The following EIPR1 variants were observed in gnomAD, a reference collection of about 807,000 sequenced individuals.
The protein encoded by EIPR1 is EARP and GARP complex-interacting protein 1.
Under a neutral mutation model 48.1 loss-of-function variants are expected in EIPR1, and 25 were observed. The observed-to-expected ratio is 0.52, with a 90% confidence interval of 0.38 to 0.73. The LOEUF is 0.73. EIPR1 is among the 30% of genes least tolerant of loss of function. The pLI is 0.00. For missense variants in EIPR1, 415 were observed against 506.2 expected (o/e 0.82, Z 1.73); for synonymous variants, 204 against 201.9 (o/e 1.01, Z -0.09).
At chr2:3,208,717 C>T in intron 5 of EIPR1, 1 of 1,550,190 alleles carries the variant, frequency 6.5e-7, no homozygotes, top group African/African-American at 1.4e-5. Flanking sequence ...GGTCCTTCTT[C>T]CATGCGTGAG....
At chr2:3,320,697 CCT>C (rs1287321178) in intron 3 of EIPR1, among the ~76,000 whole-genome samples, 2 of 152,174 alleles carry the variant, frequency 1.3e-5, no homozygotes, top group Non-Finnish European at 2.9e-5. Flanking sequence ...ATGCTGTTTT[CCT>C]CTCTCTCACC....
In EIPR1 at chr2:3,194,270, C is replaced by T. The variant is rs114388497; in HGVS notation, c.654-104G>A. Reference sequence around the variant, plus strand: ...GTTTCCCGGGACCCTGTCTAATCCCCCGGCCCAGGGTGCTCTCATCCCCTC... The same window carrying T: ...GTTTCCCGGGACCCTGTCTAATCCCTCGGCCCAGGGTGCTCTCATCCCCTC... On this transcript the variant is annotated intron_variant, in intron 6 of 8. Transcript: ENST00000382125. 2,851 of 1,449,284 alleles carry T rather than the reference C, an allele frequency of 2.0e-3. 42 individuals are homozygous for T. In the African/African-American group the frequency reaches 0.033, roughly 17 times the overall value. The allele number at this position is 1,449,284 out of a possible 1,614,324, so 89.8% of individuals were successfully genotyped here. A position where few individuals can be genotyped will look rare whatever the true frequency, so the allele number is the denominator to read the frequency against.
At chr2:3,214,117 G>A in intron 5 of EIPR1, 32 bp downstream of exon 5, 3 of 1,595,306 alleles carry the variant, frequency 1.9e-6, no homozygotes, top group Non-Finnish European at 2.6e-6. Flanking sequence ...TAAAAATACA[G>A]AAACAAACGC....
intron 1 of EIPR1, among the ~76,000 whole-genome samples, chr2:3,365,141 TA>T (rs58972888): frequency 0.23 from 33,421 of 145,150 alleles, 4,579 homozygotes; most frequent in East Asian, 0.43. Flanking sequence ...TTGTTTTAAT[TA>T]AAAAAAAAAA....
chr2:3,209,699 T>C (rs2103127558), intron 5 of EIPR1, among the ~76,000 whole-genome samples: 1 of 152,184 alleles, frequency 6.6e-6, no homozygotes, highest in Non-Finnish European at 1.5e-5. Flanking sequence ...TAAAAAGAAA[T>C]GTGCTTTCAA....
At chr2:3,319,501 G>A (rs1243223311) in intron 3 of EIPR1, 4 of 162,196 alleles carry the variant, frequency 2.5e-5, no homozygotes, top group Admixed American at 6.0e-5. Context: ...TGAAAATGAT[G>A]GAAGCCAAAA....
chr2:3,297,689 A>G (rs1386050389), intron 3 of EIPR1, among the ~76,000 whole-genome samples: 5 of 152,228 alleles, frequency 3.3e-5, no homozygotes, highest in African/African-American at 9.6e-5. Context: ...AGCCACAGAC[A>G]TTACAGAAAT....
intron 3 of EIPR1, among the ~76,000 whole-genome samples, chr2:3,330,095 T>C (rs1209603185): frequency 1.3e-5 from 2 of 152,242 alleles, no homozygotes; most frequent in Non-Finnish European, 2.9e-5. Flanking sequence ...TTGACAAGGT[T>C]CCCCTCGGCG....
chr2:3,279,792 G>T (rs189511905), intron 3 of EIPR1, among the ~76,000 whole-genome samples: 1 of 152,318 alleles, frequency 6.6e-6, no homozygotes, highest in South Asian at 2.1e-4. Context: ...ACCATGATGC[G>T]AAGTTACACA....
At chr2:3,199,835 C>CA (rs1473607979) in intron 5 of EIPR1, among the ~76,000 whole-genome samples, 7 of 98,814 alleles carry the variant, frequency 7.1e-5, no homozygotes, top group East Asian at 3.2e-4. Context: ...GCAGAGGTGA[C>CA]GGGGTGTGTC....
intron 3 of EIPR1, among the ~76,000 whole-genome samples, chr2:3,297,723 T>C (rs1668645423): frequency 1.3e-5 from 2 of 152,244 alleles, no homozygotes; most frequent in Admixed American, 6.5e-5. Context: ...TGGGTGCCAA[T>C]AAAACTTTAT....
At chr2:3,299,533 T>C (rs1260899458) in intron 3 of EIPR1, among the ~76,000 whole-genome samples, 2 of 152,100 alleles carry the variant, frequency 1.3e-5, no homozygotes, top group South Asian at 2.1e-4. Flanking sequence ...CAAATCATAC[T>C]ATTGACTTTG....
intron 3 of EIPR1, among the ~76,000 whole-genome samples, chr2:3,289,783 C>T (rs1007207606): frequency 1.3e-5 from 2 of 152,240 alleles, no homozygotes; most frequent in Non-Finnish European, 2.9e-5. Context: ...TGAACGCCAG[C>T]GGCCCCCAGC....
intron 5 of EIPR1, among the ~76,000 whole-genome samples, chr2:3,202,398 C>T (rs189994913): frequency 1.1e-3 from 171 of 152,270 alleles, no homozygotes; most frequent in Non-Finnish European, 2.0e-3. Context: ...CCATTGATGA[C>T]AATGAATACA....
At chr2:3,270,755 A>C (rs1460712573) in intron 3 of EIPR1, among the ~76,000 whole-genome samples, 1 of 152,228 alleles carries the variant, frequency 6.6e-6, no homozygotes, top group East Asian at 1.9e-4. Flanking sequence ...TTTTGCCTTA[A>C]TGGCAAAACT....
At chr2:3,201,903 A>C (rs150837658) in intron 5 of EIPR1, among the ~76,000 whole-genome samples, 1 of 152,260 alleles carries the variant, frequency 6.6e-6, no homozygotes, top group Non-Finnish European at 1.5e-5. Context: ...ACAGTTAGTT[A>C]GGTTCAATGT....
chr2:3,189,477 C>T lies in EIPR1; in HGVS notation c.1021G>A (p.Ala341Thr), dbSNP rs761535701. Reference protein sequence around the residue: ...SKEPLQDNVIATYEEHEDSVY... With the variant: ...SKEPLQDNVITTYEEHEDSVY... Reference sequence around the variant, plus strand: ...CTGTCCTCGTGCTCCTCGTAGGTGGCGATCACGTTGTCCTGCAGGGGCTCC... The same window carrying T: ...CTGTCCTCGTGCTCCTCGTAGGTGGTGATCACGTTGTCCTGCAGGGGCTCC... Residue 341 changes from alanine (A) to threonine (T), a missense_variant, in exon 9 of 9, where the codon GCC becomes ACC. Transcript: ENST00000382125. The surrounding 1 kb of genome is among the most constrained non-coding windows in gnomAD (Gnocchi z 4.6). The T allele has an allele frequency of 1.3e-5, 20 of 1,571,022 alleles. No homozygotes were observed. Among genetic ancestry groups the T allele is most frequent in the Middle Eastern group, 1.7e-4 (1 of 5,986 alleles).
intron 3 of EIPR1, among the ~76,000 whole-genome samples, chr2:3,299,624 TCACACACACA>T (rs3064647): frequency 2.9e-5 from 4 of 136,718 alleles, no homozygotes; most frequent in African/African-American, 8.6e-5. Context: ...TCTCTCTCTC[TCACACACACA>T]CACACACACA....
In EIPR1 at chr2:3,242,320, C is replaced by T. The variant is rs4854112; in HGVS notation, c.416+14979G>A. Among the ~76,000 whole-genome samples the T allele has an allele frequency of 1.9e-3, 26 of 13,410 alleles. 2 individuals carry two copies. Among genetic ancestry groups the T allele is most frequent in the Admixed American group, 4.0e-3 (3 of 748 alleles). 8.8% of individuals were successfully genotyped at this position (13,410 alleles called of 152,430 possible). ...CACACCACACACCTGGCAGCAGCCA[C>T]CGATGGCTGGAAGACAGAGATTTCA... On this transcript the variant is annotated intron_variant, in intron 4 of 8. Coordinates refer to ENST00000382125, the MANE Select transcript of EIPR1 (RefSeq NM_003310.5).
Sources: allele counts gnomAD v4.1 joint callset (sites outside exome capture counted in the v4.1 genomes callset), GRCh38; gene constraint gnomAD v4.1.1; non-coding constraint Gnocchi (gnomAD v3.1); transcripts MANE v1.5; gene names NCBI Gene and HGNC (gene_info 2026-07-23, HGNC 2026-07-21).